The following OGN variants were observed in gnomAD, a reference collection of about 807,000 sequenced individuals.
The protein encoded by OGN is osteoglycin.
Under a neutral mutation model 30.8 loss-of-function variants are expected in OGN, and 19 were observed. That is an observed-to-expected ratio of 0.62 (90% CI 0.43 to 0.90). The LOEUF is 0.90. Ranked by LOEUF, OGN falls within the 40% of genes least tolerant of loss-of-function variation. OGN has a pLI of 0.00. For missense variants in OGN, 283 were observed against 349.7 expected, an observed-to-expected ratio of 0.81 and a Z score of 1.52; for synonymous variants, 126 against 128.3, an observed-to-expected ratio of 0.98 and a Z score of 0.12.
At position 92,404,445 on chromosome 9, in the gene OGN, G is replaced by T. The variant is rs1306429614; in HGVS notation, c.-76+51C>A. ...TTTATTAAGACTATTAGATGAGTCA[G>T]TCGCACTTTAACAAACAATATTTAA... On this transcript the variant is annotated intron_variant, in intron 1 of 6. Coordinates refer to ENST00000375561, the MANE Select transcript of OGN (RefSeq NM_014057.5). 3 of 1,148,948 alleles carry T rather than the reference G, an allele frequency of 2.6e-6. No homozygotes were observed. In the East Asian group the frequency reaches 1.9e-4, roughly 72 times the overall value. 71.2% of individuals were successfully genotyped at this position (1,148,948 alleles called of 1,614,324 possible). A position where few individuals can be genotyped will look rare whatever the true frequency, so the allele number is the denominator to read the frequency against.
In OGN at chr9:92,397,901, A is replaced by G. The variant is rs1842955778; in HGVS notation, c.268+3191T>C. ...GAGATAAACAGAGAGAAACATTTCT[A>G]TATTTCTGTATCTCTGTATATACAA... On this transcript the variant is annotated intron_variant, in intron 3 of 6. Coordinates refer to ENST00000375561, the MANE Select transcript of OGN (RefSeq NM_014057.5). Among the ~76,000 whole-genome samples, 2 of 152,220 alleles carry G rather than the reference A, an allele frequency of 1.3e-5. 1 individual carries two copies. The highest frequency in any genetic ancestry group is 4.1e-4 in the South Asian group (2 of 4,838).
rs1339726282 is a variant in OGN, at chr9:92,389,652, TTATGTATTTTAACTGAGA to T, written c.630+184_630+201del. On this transcript the variant is annotated intron_variant, in intron 5 of 6. Transcript: ENST00000375561. ...ATAGTCCCATGAAATAAAATAAAGG[TTATGTATTTTAACTGAGA>T]TATGGGTATAAGCTAGGCTGAATGA... The T allele has an allele frequency of 7.0e-6, 3 of 429,558 alleles. No individual in the cohort carries two copies. In the East Asian group the frequency reaches 1.1e-4, roughly 16 times the overall value. The allele number at this position is 429,558 out of a possible 1,614,324, so 26.6% of individuals were successfully genotyped here. A position where few individuals can be genotyped will look rare whatever the true frequency, so the allele number is the denominator to read the frequency against.
At chr9:92,397,953 AT>A (rs1842958238) in intron 3 of OGN, among the ~76,000 whole-genome samples, 1 of 152,204 alleles carries the variant, frequency 6.6e-6, no homozygotes, top group Non-Finnish European at 1.5e-5. Context: ...AGTATCTTCT[AT>A]TCCAAACCAA....
intron 5 of OGN, among the ~76,000 whole-genome samples, chr9:92,386,534 C>T (rs1263979838): frequency 1.3e-5 from 2 of 152,142 alleles, no homozygotes; most frequent in Non-Finnish European, 2.9e-5. Flanking sequence ...CCGCATACCC[C>T]ACACTTCTGT....
At chr9:92,395,858 A>G (rs887945714) in intron 3 of OGN, among the ~76,000 whole-genome samples, 1 of 151,246 alleles carries the variant, frequency 6.6e-6, no homozygotes, top group Middle Eastern at 3.4e-3. Context: ...CCTTTTGGAA[A>G]TGAAACATTT....
rs1842358745 is a variant in OGN at position 92,384,780 on chromosome 9, A to G, written c.*840T>C. On this transcript the variant is annotated 3_prime_UTR_variant, in exon 7 of 7. Coordinates refer to ENST00000375561, the MANE Select transcript of OGN (RefSeq NM_014057.5). ...TTGATGAGATTCTCATTTCTGTAGTATAAAAGGAAAATATTTTGCAGTTAT... is the reference window on the plus strand; with the variant it reads ...TTGATGAGATTCTCATTTCTGTAGTGTAAAAGGAAAATATTTTGCAGTTAT... The G allele has an allele frequency of 6.6e-6, 1 of 152,148 alleles. No individual in the cohort carries two copies. Among genetic ancestry groups the G allele is most frequent in the Non-Finnish European group, 1.5e-5 (1 of 68,004 alleles). 9.4% of individuals were successfully genotyped at this position (152,148 alleles called of 1,614,324 possible).
chr9:92,398,930 C>T (rs574915594), intron 3 of OGN, among the ~76,000 whole-genome samples: 26 of 152,046 alleles, frequency 1.7e-4, no homozygotes, highest in Non-Finnish European at 1.9e-4. Flanking sequence ...GGCGTGGTGG[C>T]GCGTGCCTGT....
chr9:92,399,064 A>G (rs1843004197), intron 3 of OGN, among the ~76,000 whole-genome samples: 1 of 152,172 alleles, frequency 6.6e-6, no homozygotes, highest in African/African-American at 2.4e-5. Context: ...CAAAAAAAAA[A>G]AAAAATCCTC....
At chr9:92,390,597 C>T (rs376547493) in intron 4 of OGN, among the ~76,000 whole-genome samples, 7 of 149,038 alleles carry the variant, frequency 4.7e-5, no homozygotes, top group South Asian at 2.2e-4. Flanking sequence ...TGCGCGCGCG[C>T]GTACTTGCGT....
chr9:92,404,561 C>A lies in OGN; in HGVS notation c.-141G>T. ...AGATGTTCATGTCTGTGCATTAGCCCCAAGTGGGAGGGTGAATGAGAAAAG... is the reference window on the plus strand; with the variant it reads ...AGATGTTCATGTCTGTGCATTAGCCACAAGTGGGAGGGTGAATGAGAAAAG... On this transcript the variant is annotated 5_prime_UTR_variant, in exon 1 of 7. Transcript: ENST00000375561. The A allele has an allele frequency of 7.7e-7, 1 of 1,294,676 alleles. No individual in the cohort carries two copies. The highest frequency in any genetic ancestry group is 5.8e-5 in the East Asian group (1 of 17,336). 80.2% of individuals were successfully genotyped at this position (1,294,676 alleles called of 1,614,324 possible).
chr9:92,399,935 G>C (rs73520515), intron 3 of OGN, among the ~76,000 whole-genome samples: 1 of 152,012 alleles, frequency 6.6e-6, no homozygotes, highest in Non-Finnish European at 1.5e-5. Context: ...TAGTACATCT[G>C]ATTCCTACAT....
intron 1 of OGN, among the ~76,000 whole-genome samples, chr9:92,404,193 T>G (rs1843232027): frequency 6.6e-6 from 1 of 152,150 alleles, no homozygotes; most frequent in African/African-American, 2.4e-5. Context: ...TTCAGACTTT[T>G]TCTTAAGTAA....
chr9:92,386,626 G>A (rs960025783), intron 5 of OGN, among the ~76,000 whole-genome samples: 1 of 152,136 alleles, frequency 6.6e-6, no homozygotes, highest in African/African-American at 2.4e-5. Context: ...AACTAATGAG[G>A]TGAGTCCCTA....
chr9:92,385,582 G>A lies in OGN; in HGVS notation c.*38C>T, dbSNP rs1842384705. On this transcript the variant is annotated 3_prime_UTR_variant, in exon 7 of 7. Transcript: ENST00000375561. ...CTCATTGTTGAGACAGACTATTAGT[G>A]TAGGTGTACTTTCATTTATATGTTG... The A allele has an allele frequency of 6.4e-7, 1 of 1,558,308 alleles. No individual in the cohort carries two copies. The highest frequency in any genetic ancestry group is 8.8e-7 in the Non-Finnish European group (1 of 1,130,728).
At chr9:92,401,939 C>T (rs534030580) in intron 2 of OGN, among the ~76,000 whole-genome samples, 2 of 152,298 alleles carry the variant, frequency 1.3e-5, no homozygotes, top group African/African-American at 4.8e-5. Context: ...CCTTCACCTT[C>T]ATTCTCCCAT....
chr9:92,389,400 A>G (rs1842575742), intron 5 of OGN, among the ~76,000 whole-genome samples: 1 of 152,234 alleles, frequency 6.6e-6, no homozygotes, highest in African/African-American at 2.4e-5. Flanking sequence ...ATCTCCCTAT[A>G]GAATTTCACA....
At chr9:92,387,199 C>G (rs1842467357) in intron 5 of OGN, among the ~76,000 whole-genome samples, 1 of 151,646 alleles carries the variant, frequency 6.6e-6, no homozygotes. Context: ...ATGGTGAAAC[C>G]CCATTTCTAC....
intron 1 of OGN, 143 bp from the exon 2 acceptor site, chr9:92,403,625 G>A (rs952343588): frequency 4.3e-5 from 51 of 1,194,348 alleles, no homozygotes; most frequent in Non-Finnish European, 5.1e-5. Flanking sequence ...ATGTATCAGT[G>A]AACATTCTGA....
intron 3 of OGN, among the ~76,000 whole-genome samples, chr9:92,397,710 G>A (rs1842946412): frequency 1.3e-5 from 2 of 152,174 alleles, no homozygotes; most frequent in Non-Finnish European, 1.5e-5. Flanking sequence ...TTGAGATCAC[G>A]TTGCTTCTAG....
Sources: gnomAD v4.1 joint callset for allele counts (sites outside exome capture counted in the v4.1 genomes callset) on GRCh38, gnomAD v4.1.1 for gene constraint, MANE v1.5 for transcripts, NCBI Gene and HGNC (gene_info 2026-07-23, HGNC 2026-07-21) for gene names.